The following TAB2 variants were observed in gnomAD, a reference collection of about 807,000 sequenced individuals.
The protein encoded by TAB2 is TGF-beta activated kinase 1 (MAP3K7) binding protein 2.
TAB2 carries 3 observed loss-of-function variants against 65.0 expected under a neutral mutation model. The ratio of observed to expected loss-of-function variants is 0.05; its 90% CI spans 0.02 to 0.12. The LOEUF (loss-of-function observed/expected upper bound fraction) is 0.12. TAB2 is among the 10% of genes least tolerant of loss of function. The pLI, the probability that TAB2 is intolerant of heterozygous loss-of-function variation, is 1.00. For missense variants in TAB2, 623 were observed against 840.3 expected (o/e 0.74, Z 3.20); for synonymous variants, 298 against 285.1 (o/e 1.05, Z -0.46).
At chr6:149,235,531 A>G (rs182322509) in intron 1 of TAB2, among the ~76,000 whole-genome samples, 1 of 152,368 alleles carries the variant, frequency 6.6e-6, no homozygotes, top group African/African-American at 2.4e-5. Context: ...CCAAAAAATC[A>G]TCTGACTAGC....
intron 1 of TAB2, among the ~76,000 whole-genome samples, chr6:149,308,509 TTTATTTATTTAC>T (rs1210561277): frequency 3.1e-4 from 38 of 122,088 alleles, no homozygotes; most frequent in African/African-American, 7.7e-4. Context: ...TATTTATTTA[TTTATTTATTTAC>T]TTATTTATTT....
At chr6:149,260,679 A>T (rs1301407828) in intron 1 of TAB2, among the ~76,000 whole-genome samples, 2 of 152,152 alleles carry the variant, frequency 1.3e-5, no homozygotes, top group Non-Finnish European at 2.9e-5. Context: ...AATCTATGGG[A>T]CGGGGGCTGG....
At chr6:149,352,341 T>C (rs1047397771) in intron 1 of TAB2, among the ~76,000 whole-genome samples, 21 of 152,166 alleles carry the variant, frequency 1.4e-4, no homozygotes, top group African/African-American at 5.1e-4. Context: ...CTCTTAAATA[T>C]ATAGTAGCTG....
intron 1 of TAB2, among the ~76,000 whole-genome samples, chr6:149,277,217 C>G (rs1391168147): frequency 6.6e-6 from 1 of 152,062 alleles, no homozygotes; most frequent in Non-Finnish European, 1.5e-5. Context: ...AATACACATG[C>G]AAATAACATT....
chr6:149,378,428 T>A lies in TAB2; in HGVS notation c.513T>A (p.Thr171=). Residue 171 remains threonine, a synonymous_variant, in exon 3 of 7, where the codon ACT becomes ACA. Coordinates refer to ENST00000637181, the MANE Select transcript of TAB2 (RefSeq NM_001292034.3). Reference sequence around the variant, plus strand: ...GAACATCTAGCCTTTCTCAACAAACTCCCAGATTTAATCCCATTATGGTAA... The same window carrying A: ...GAACATCTAGCCTTTCTCAACAAACACCCAGATTTAATCCCATTATGGTAA... ...SKGTSSLSQQ[T]PRFNPIMVTL... 1 of 1,614,218 alleles carries A rather than the reference T, an allele frequency of 6.2e-7. No individual in the cohort carries two copies. The highest frequency in any genetic ancestry group is 1.1e-5 in the South Asian group (1 of 91,086).
intron 1 of TAB2, among the ~76,000 whole-genome samples, chr6:149,223,491 G>A (rs937855202): frequency 2.3e-4 from 35 of 152,200 alleles, no homozygotes; most frequent in Non-Finnish European, 4.6e-4. Flanking sequence ...ATTTTGTAGA[G>A]TATGATCCAG....
At chr6:149,272,955 A>G (rs1359354844) in intron 1 of TAB2, among the ~76,000 whole-genome samples, 1 of 152,156 alleles carries the variant, frequency 6.6e-6, no homozygotes, top group African/African-American at 2.4e-5. Flanking sequence ...TGCACTCTTC[A>G]TGAGAATCTA....
chr6:149,237,796 A>G (rs1426421914), intron 1 of TAB2, among the ~76,000 whole-genome samples: 3 of 152,202 alleles, frequency 2.0e-5, no homozygotes, highest in Non-Finnish European at 2.9e-5. Context: ...CTCAGGGATG[A>G]GCAATGATGC....
At chr6:149,388,460 T>G (rs767990303) in intron 3 of TAB2, among the ~76,000 whole-genome samples, 1 of 152,236 alleles carries the variant, frequency 6.6e-6, no homozygotes, top group Admixed American at 6.5e-5. Flanking sequence ...ATTTTGAGGC[T>G]CTCTCTAAAG....
chr6:149,353,756 T>C (rs948068063), intron 1 of TAB2, among the ~76,000 whole-genome samples: 6 of 152,228 alleles, frequency 3.9e-5, no homozygotes, highest in Non-Finnish European at 7.3e-5. Flanking sequence ...ACTGGCTAAA[T>C]AGTAATATAT....
At chr6:149,394,228 C>G (rs754839327) in intron 3 of TAB2, among the ~76,000 whole-genome samples, 5 of 152,060 alleles carry the variant, frequency 3.3e-5, no homozygotes, top group Non-Finnish European at 7.4e-5. Context: ...TTCTTTATCT[C>G]TGATAAGAAT....
Position 149,410,267 on chromosome 6 carries a change from G to A in TAB2, c.*548G>A, listed in dbSNP as rs1782804376. ...CCTGAACGTGTCTCCACTCTGTGAAGCCAGCATCTAGGGGCTAAAGATGCA... is the reference window on the plus strand; with the variant it reads ...CCTGAACGTGTCTCCACTCTGTGAAACCAGCATCTAGGGGCTAAAGATGCA... On this transcript the variant is annotated 3_prime_UTR_variant, in exon 7 of 7. Transcript: ENST00000637181. 1.8e-5 allele frequency: 3 copies of A among 163,096 alleles called. No individual in the cohort carries two copies. In the Middle Eastern group the frequency reaches 9.6e-3, roughly 523 times the overall value. 10.1% of individuals were successfully genotyped at this position (163,096 alleles called of 1,614,324 possible). A position where few individuals can be genotyped will look rare whatever the true frequency, so the allele number is the denominator to read the frequency against.
intron 1 of TAB2, among the ~76,000 whole-genome samples, chr6:149,222,770 C>T (rs73602090): frequency 0.017 from 2,571 of 152,216 alleles, 76 homozygotes; most frequent in African/African-American, 0.057. Flanking sequence ...CTACACTTTT[C>T]TTGCTGATGC....
At chr6:149,278,153 G>A (rs1437057857) in intron 1 of TAB2, among the ~76,000 whole-genome samples, 1 of 152,078 alleles carries the variant, frequency 6.6e-6, no homozygotes, top group Non-Finnish European at 1.5e-5. Context: ...CAATTCTACA[G>A]CTAGGTTACT....
chr6:149,358,270 C>G (rs1479984210), intron 1 of TAB2, among the ~76,000 whole-genome samples: 1 of 152,168 alleles, frequency 6.6e-6, no homozygotes, highest in Non-Finnish European at 1.5e-5. Context: ...ATTTATATTT[C>G]ATATCCACCT....
chr6:149,286,040 AT>A (rs1778671374), intron 1 of TAB2, among the ~76,000 whole-genome samples: 1 of 152,198 alleles, frequency 6.6e-6, no homozygotes, highest in African/African-American at 2.4e-5. Context: ...TATTTTATAA[AT>A]TATTTTAGTG....
chr6:149,271,309 T>C (rs1270300717), intron 1 of TAB2, among the ~76,000 whole-genome samples: 4 of 152,218 alleles, frequency 2.6e-5, no homozygotes, highest in African/African-American at 9.6e-5. Context: ...ACAGGGTTCC[T>C]GTTCTAGGGA....
At chr6:149,323,195 A>G (rs961683908) in intron 1 of TAB2, among the ~76,000 whole-genome samples, 3 of 152,156 alleles carry the variant, frequency 2.0e-5, no homozygotes, top group Admixed American at 2.0e-4. Context: ...TAAGCACTGA[A>G]TAAGATATCA....
chr6:149,341,512 CTT>C (rs1780126436), intron 1 of TAB2, among the ~76,000 whole-genome samples: 1 of 152,120 alleles, frequency 6.6e-6, no homozygotes, highest in Non-Finnish European at 1.5e-5. Context: ...TTTACATACA[CTT>C]TAGCTAAATC....
Sources: gnomAD v4.1 joint callset for allele counts (sites outside exome capture counted in the v4.1 genomes callset) on GRCh38, gnomAD v4.1.1 for gene constraint, MANE v1.5 for transcripts, NCBI Gene and HGNC (gene_info 2026-07-23, HGNC 2026-07-21) for gene names.